Variants in DYRK4 observed in about 807,000 individuals in gnomAD.
DYRK4 encodes dual specificity tyrosine-phosphorylation-regulated kinase 4.
Under a neutral mutation model 68.3 loss-of-function variants are expected in DYRK4, and 64 were observed. The ratio of observed to expected loss-of-function variants is 0.94; its 90% CI spans 0.77 to 1.15. DYRK4 has a LOEUF of 1.15. DYRK4 is among the 50% of genes most tolerant of loss of function. The pLI is 0.00. For synonymous variants in DYRK4, 274 were observed against 289.9 expected, an observed-to-expected ratio of 0.95 and a Z score of 0.56; for missense variants, 740 against 764.7, an observed-to-expected ratio of 0.97 and a Z score of 0.38.
At position 4,613,004 on chromosome 12, in the gene DYRK4, G is replaced by C; in HGVS notation, c.1666+286G>C. On this transcript the variant is annotated intron_variant, in intron 14 of 14. Transcript: ENST00000543431. The surrounding 1 kb of genome is among the most constrained non-coding windows in gnomAD (Gnocchi z 4.0). The stretch of plus-strand genomic sequence containing the variant: ...TTCAGGGAAATTTGGCATTAGCCTG[G>C]ATCTTTTTTGCCCCTTATTAGGATT... 1 of 361,908 alleles carries C rather than the reference G, an allele frequency of 2.8e-6. No individual in the cohort carries two copies. Among genetic ancestry groups the C allele is most frequent in the South Asian group, 3.3e-5 (1 of 30,704 alleles). 22.4% of individuals were successfully genotyped at this position (361,908 alleles called of 1,614,324 possible).
At chr12:4,586,650 C>A (rs1357548317) in intron 2 of DYRK4, among the ~76,000 whole-genome samples, 1 of 151,728 alleles carries the variant, frequency 6.6e-6, no homozygotes, top group African/African-American at 2.4e-5. Flanking sequence ...GATGTAGAGG[C>A]CACCAGTCCT....
chr12:4,610,012 G>GTT, intron 12 of DYRK4, 143 bp from the exon 13 acceptor site: 1 of 535,872 alleles, frequency 1.9e-6, no homozygotes, highest in Non-Finnish European at 3.2e-6. Flanking sequence ...GAGTGTGTGT[G>GTT]TGTGTGTTTA....
At chr12:4,573,006 A>G (rs1463967327) in intron 2 of DYRK4, 1 of 287,414 alleles carries the variant, frequency 3.5e-6, no homozygotes, top group African/African-American at 2.3e-5. Flanking sequence ...GGTGTTGGGC[A>G]AAGGAATGGA....
At chr12:4,594,496 T>TCACAGCTGGGATCACA (rs1944994055) in intron 6 of DYRK4, among the ~76,000 whole-genome samples, 1 of 152,188 alleles carries the variant, frequency 6.6e-6, no homozygotes, top group Non-Finnish European at 1.5e-5. Context: ...AAGGCTGGGA[T>TCACAGCTGGGATCACA]CACAGGTGTG....
At position 4,591,303 on chromosome 12, in the gene DYRK4, GC is replaced by G. The variant is rs1346733088; in HGVS notation, c.463+7del. The G allele has an allele frequency of 6.2e-7, 1 of 1,613,814 alleles. No individual in the cohort carries two copies. Among genetic ancestry groups the G allele is most frequent in the South Asian group, 1.1e-5 (1 of 91,044 alleles). On this transcript the variant is annotated splice_donor_region_variant and intron_variant, in intron 5 of 14. Coordinates refer to ENST00000543431, the MANE Select transcript of DYRK4 (RefSeq NM_001394779.1). This position sits in a 1 kb window ranked among gnomAD's most constrained non-coding sequence, Gnocchi z 4.1. ...AGGTGACTCTGACAGCGGCAGGTAT[GC>G]CTTTGGGGCAGTAGCAGGGTGGGGA...
At chr12:4,599,678 G>A in intron 9 of DYRK4, 29 bp from the exon 10 acceptor site, 1 of 1,582,536 alleles carries the variant, frequency 6.3e-7, no homozygotes, top group Non-Finnish European at 8.7e-7. Context: ...CATTACTGTA[G>A]CTTGACATAT....
Position 4,610,294 on chromosome 12 carries a change from T to C in DYRK4, c.1490+10T>C. 6.5e-7 allele frequency: 1 copy of C among 1,534,544 alleles called. No homozygotes were observed. The highest frequency in any genetic ancestry group is 8.7e-7 in the Non-Finnish European group (1 of 1,146,074). On this transcript the variant is annotated intron_variant, in intron 13 of 14. Coordinates refer to ENST00000543431, the MANE Select transcript of DYRK4 (RefSeq NM_001394779.1). The stretch of plus-strand genomic sequence containing the variant: ...TCAGAAGGTGTTTGGTGTGAGTTTG[T>C]TGGGACATCTCTGCTTCTGGGTTTC...
chr12:4,574,027 C>A (rs1263713011), intron 2 of DYRK4, among the ~76,000 whole-genome samples: 1 of 151,906 alleles, frequency 6.6e-6, no homozygotes, highest in African/African-American at 2.4e-5. Flanking sequence ...AGATGGAGAC[C>A]ATCCTGGCTA....
chr12:4,607,980 C>T (rs1401858137), intron 12 of DYRK4, among the ~76,000 whole-genome samples: 2 of 152,184 alleles, frequency 1.3e-5, no homozygotes, highest in Non-Finnish European at 2.9e-5. Context: ...GGCTGCCCCT[C>T]TCCTCATAAT....
chr12:4,596,053 T>G, intron 6 of DYRK4, 96 bp from the exon 7 acceptor site: 2 of 1,350,668 alleles, frequency 1.5e-6, no homozygotes, highest in Non-Finnish European at 2.1e-6. Flanking sequence ...CCTCCAGGAG[T>G]GAGCCATAAT....
At chr12:4,608,639 C>T (rs1018555209) in intron 12 of DYRK4, among the ~76,000 whole-genome samples, 1 of 152,072 alleles carries the variant, frequency 6.6e-6, no homozygotes, top group Non-Finnish European at 1.5e-5. Context: ...CTCCATGATC[C>T]AAAAACCTAA....
chr12:4,598,936 G>A, intron 8 of DYRK4, 92 bp from the exon 9 acceptor site: 1 of 1,466,862 alleles, frequency 6.8e-7, no homozygotes, highest in South Asian at 1.2e-5. Flanking sequence ...CTACTAGACG[G>A]AAACCAGGTG....
chr12:4,590,133 C>G, intron 3 of DYRK4, 197 bp from the exon 4 acceptor site: 2 of 1,332,326 alleles, frequency 1.5e-6, no homozygotes, highest in Non-Finnish European at 1.9e-6. Flanking sequence ...GACTCAAACC[C>G]AGAGCCCATG....
intron 12 of DYRK4, 62 bp from the exon 13 acceptor site, chr12:4,610,093 G>A: frequency 6.1e-6 from 9 of 1,482,166 alleles, no homozygotes; most frequent in Non-Finnish European, 7.2e-6. Flanking sequence ...CTAAGCAGCA[G>A]CATCATGTGA....
intron 2 of DYRK4, chr12:4,573,382 G>C (rs116844801): frequency 7.8e-7 from 1 of 1,288,882 alleles, no homozygotes; most frequent in Non-Finnish European, 1.0e-6. Context: ...TTTGTTCTGC[G>C]TGTTCATTGG....
intron 4 of DYRK4, chr12:4,590,940 G>A (rs1289597770): frequency 1.1e-5 from 6 of 526,038 alleles, no homozygotes; most frequent in Non-Finnish European, 1.3e-5. Flanking sequence ...AGCAGCATAC[G>A]GTAAGGTACA....
chr12:4,605,205 T>TGA, intron 11 of DYRK4, 119 bp downstream of exon 11: 1 of 860,706 alleles, frequency 1.2e-6, no homozygotes. Flanking sequence ...TTGTTGTTGT[T>TGA]GAGTATTCCC....
chr12:4,564,396 C>T (rs888722379), intron 1 of DYRK4: 1 of 151,918 alleles, frequency 6.6e-6, no homozygotes, highest in Admixed American at 6.6e-5. Flanking sequence ...AAACGGAATC[C>T]CTGCAAACCC....
At chr12:4,570,657 G>A (rs1944722122) in intron 2 of DYRK4, among the ~76,000 whole-genome samples, 1 of 152,296 alleles carries the variant, frequency 6.6e-6, no homozygotes, top group South Asian at 2.1e-4. Flanking sequence ...GTGTTGAGAG[G>A]ACAACTTATT....
Sources: allele counts gnomAD v4.1 joint callset (sites outside exome capture counted in the v4.1 genomes callset), GRCh38; gene constraint gnomAD v4.1.1; non-coding constraint Gnocchi (gnomAD v3.1); transcripts MANE v1.5; gene names NCBI Gene and HGNC (gene_info 2026-07-23, HGNC 2026-07-21).